FGF14: variants seen among roughly 807,000 people sequenced by gnomAD.
FGF14 encodes fibroblast growth factor homologous factor 4.
Under a neutral mutation model 25.5 loss-of-function variants are expected in FGF14, and 5 were observed. That is an observed-to-expected ratio of 0.20 (90% confidence interval 0.10 to 0.41). The LOEUF (loss-of-function observed/expected upper bound fraction) is 0.41. Among genes scored for constraint, FGF14 ranks in the 10% least tolerant of loss-of-function variants. The pLI is 1.00. For synonymous variants in FGF14, 138 were observed against 118.3 expected (o/e 1.17, Z -1.08); for missense variants, 222 against 320.1 (o/e 0.69, Z 2.34).
intron 1 of FGF14, among the ~76,000 whole-genome samples, chr13:102,270,974 G>T (rs900941931): frequency 1.3e-5 from 2 of 152,116 alleles, no homozygotes; most frequent in African/African-American, 4.8e-5. Flanking sequence ...GCTGTTTGCT[G>T]AAAGAAATGA....
chr13:102,362,929 C>A (rs1031919695), intron 1 of FGF14, among the ~76,000 whole-genome samples: 3 of 151,704 alleles, frequency 2.0e-5, no homozygotes, highest in African/African-American at 7.3e-5. Flanking sequence ...TAATTAAATC[C>A]ACATGGAAAA....
chr13:101,743,392 T>C (rs1017917812), intron 3 of FGF14, among the ~76,000 whole-genome samples: 1 of 152,156 alleles, frequency 6.6e-6, no homozygotes, highest in Non-Finnish European at 1.5e-5. Context: ...CATAAGCTTG[T>C]TGTTTAAGGA....
At chr13:102,287,514 C>T (rs1397079480) in intron 1 of FGF14, among the ~76,000 whole-genome samples, 2 of 152,016 alleles carry the variant, frequency 1.3e-5, no homozygotes, top group Non-Finnish European at 2.9e-5. Context: ...AAAATGTTTT[C>T]GACTTGTGTT....
intron 1 of FGF14, among the ~76,000 whole-genome samples, chr13:101,966,472 G>T (rs899958834): frequency 5.9e-5 from 9 of 151,468 alleles, no homozygotes; most frequent in African/African-American, 9.7e-5. Flanking sequence ...AAATCTTGTG[G>T]TTTTTTTTGT....
At chr13:102,394,443 C>G (rs551994177) in intron 1 of FGF14, 1 of 152,358 alleles carries the variant, frequency 6.6e-6, no homozygotes, top group Non-Finnish European at 1.5e-5. Flanking sequence ...TCTGCCAGGG[C>G]AGGAGCCCTA....
chr13:102,338,854 A>G (rs1488102665), intron 1 of FGF14, among the ~76,000 whole-genome samples: 1 of 151,948 alleles, frequency 6.6e-6, no homozygotes, highest in Non-Finnish European at 1.5e-5. Flanking sequence ...TCTTTAAAAT[A>G]CAAAAAATTA....
intron 1 of FGF14, among the ~76,000 whole-genome samples, chr13:101,949,694 T>G (rs1428361551): frequency 2.0e-5 from 3 of 152,184 alleles, no homozygotes; most frequent in Non-Finnish European, 4.4e-5. Flanking sequence ...AAAGAAGAGT[T>G]AGTAAAATAT....
intron 1 of FGF14, among the ~76,000 whole-genome samples, chr13:102,036,899 G>A (rs563305606): frequency 1.3e-5 from 2 of 152,272 alleles, no homozygotes; most frequent in South Asian, 4.1e-4. Context: ...TTGGAAAGAT[G>A]AACTTGAGGA....
At chr13:101,980,959 G>C (rs1426422502) in intron 1 of FGF14, among the ~76,000 whole-genome samples, 1 of 150,468 alleles carries the variant, frequency 6.6e-6, no homozygotes, top group Admixed American at 6.6e-5. Flanking sequence ...GAGGCCCCAG[G>C]GGCTGGGTGT....
At chr13:101,827,962 T>C (rs2042475588) in intron 3 of FGF14, among the ~76,000 whole-genome samples, 2 of 150,994 alleles carry the variant, frequency 1.3e-5, no homozygotes, top group African/African-American at 4.9e-5. Flanking sequence ...TGTGGTATAC[T>C]GGTATGCTCA....
intron 3 of FGF14, among the ~76,000 whole-genome samples, chr13:101,819,362 G>A (rs1375581017): frequency 6.6e-6 from 1 of 152,216 alleles, no homozygotes; most frequent in Non-Finnish European, 1.5e-5. Flanking sequence ...GTCCCAGAAT[G>A]TGGCATGAAT....
chr13:102,397,383 C>T (rs1189068887), intron 1 of FGF14, among the ~76,000 whole-genome samples: 1 of 152,142 alleles, frequency 6.6e-6, no homozygotes. Flanking sequence ...GCATGTTCCA[C>T]CTCAAAGTTA....
intron 1 of FGF14, among the ~76,000 whole-genome samples, chr13:102,255,025 T>G (rs1306075578): frequency 1.3e-5 from 2 of 152,210 alleles, no homozygotes; most frequent in Non-Finnish European, 2.9e-5. Context: ...AATGTTAAAT[T>G]TGAAACCCCT....
intron 1 of FGF14, among the ~76,000 whole-genome samples, chr13:102,116,053 T>C (rs978207359): frequency 2.0e-5 from 3 of 152,068 alleles, no homozygotes; most frequent in Admixed American, 6.6e-5. Context: ...GAAGTTGCGG[T>C]GAGCCGAGAT....
chr13:102,087,407 C>CTTTTTTTTTTTT (rs71125043), intron 1 of FGF14, among the ~76,000 whole-genome samples: 7 of 84,446 alleles, frequency 8.3e-5, no homozygotes, highest in Non-Finnish European at 1.3e-4. Flanking sequence ...ACTGTAATTT[C>CTTTTTTTTTTTT]TTTTTTTTTT....
At chr13:102,258,635 C>T (rs1193175939) in intron 1 of FGF14, among the ~76,000 whole-genome samples, 1 of 152,176 alleles carries the variant, frequency 6.6e-6, no homozygotes, top group African/African-American at 2.4e-5. Flanking sequence ...GGTCGCTCCA[C>T]CATCCCTGAG....
intron 3 of FGF14, among the ~76,000 whole-genome samples, chr13:101,775,100 T>C (rs1293355423): frequency 6.6e-6 from 1 of 151,836 alleles, no homozygotes; most frequent in Non-Finnish European, 1.5e-5. Context: ...AAAATCACCA[T>C]ATAAAATTCT....
chr13:102,076,939 T>C (rs1005277662), intron 1 of FGF14, among the ~76,000 whole-genome samples: 1 of 152,010 alleles, frequency 6.6e-6, no homozygotes, highest in Non-Finnish European at 1.5e-5. Flanking sequence ...AACAGACACA[T>C]ACATCAATGG....
chr13:101,952,628 G>A (rs1467773052), intron 1 of FGF14, among the ~76,000 whole-genome samples: 1 of 152,004 alleles, frequency 6.6e-6, no homozygotes, highest in Non-Finnish European at 1.5e-5. Context: ...TCCCTGACAT[G>A]GCAAAGAACA....
Sources: allele counts gnomAD v4.1 joint callset (sites outside exome capture counted in the v4.1 genomes callset), GRCh38; gene constraint gnomAD v4.1.1; transcripts MANE v1.5; gene names NCBI Gene and HGNC (gene_info 2026-07-23, HGNC 2026-07-21).